Variants in HDAC7 observed in about 807,000 individuals in gnomAD.
The protein encoded by HDAC7 is histone deacetylase 7, also known as histone deacetylase 7A.
In HDAC7, 26 loss-of-function variants were observed where a neutral mutation model predicts 115.5. The observed-to-expected ratio is 0.23, with a 90% confidence interval of 0.16 to 0.31. HDAC7 has a LOEUF of 0.31. HDAC7 is among the 10% of genes least tolerant of loss of function. The pLI is 1.00. For synonymous variants in HDAC7, 564 were observed against 550.9 expected, an observed-to-expected ratio of 1.02 and a Z score of -0.33; for missense variants, 1,068 against 1,329.0, an observed-to-expected ratio of 0.80 and a Z score of 3.05.
At chr12:47,791,751 C>T (rs1943533889) in intron 14 of HDAC7, 45 bp from the exon 15 acceptor site, 7 of 1,605,784 alleles carry the variant, frequency 4.4e-6, no homozygotes, top group Non-Finnish European at 6.0e-6. Context: ...TCGCCCCTTC[C>T]CTCCCATCAC....
intron 2 of HDAC7, among the ~76,000 whole-genome samples, chr12:47,800,972 T>G (rs182211518): frequency 6.6e-6 from 1 of 152,360 alleles, no homozygotes; most frequent in Admixed American, 6.5e-5. Flanking sequence ...CCCTCCACCT[T>G]GGCCATCAGC....
intron 1 of HDAC7, chr12:47,817,979 G>A (rs980350568): frequency 6.6e-6 from 1 of 152,288 alleles, no homozygotes; most frequent in Non-Finnish European, 1.5e-5. Flanking sequence ...AAGCAAACTG[G>A]AGGGGGTGGA....
chr12:47,811,610 G>T (rs1486890809), intron 1 of HDAC7, among the ~76,000 whole-genome samples: 3 of 152,172 alleles, frequency 2.0e-5, no homozygotes, highest in African/African-American at 7.2e-5. Context: ...GTTTTTGCTG[G>T]TCTGTCCTGT....
Position 47,793,333 on chromosome 12 carries a change from C to CCCACCCA in HDAC7, c.1678+35_1678+36insTGGGTGG. 7.7e-7 allele frequency: 1 copy of CCCACCCA among 1,294,636 alleles called. No homozygotes were observed. The highest frequency in any genetic ancestry group is 1.1e-6 in the Non-Finnish European group (1 of 942,066). The allele number at this position is 1,294,636 out of a possible 1,614,324, so 80.2% of individuals were successfully genotyped here. On this transcript the variant is annotated intron_variant, in intron 13 of 25. Coordinates refer to ENST00000080059, the MANE Select transcript of HDAC7 (RefSeq NM_015401.5). This position sits in a 1 kb window ranked among gnomAD's most constrained non-coding sequence, Gnocchi z 4.5. Reference sequence around the variant, plus strand: ...CCCACATGGACTCGTGCAGCCGAGCCCCTCCCTCCACCCGCCACCCTCCTC... The same window carrying CCCACCCA: ...CCCACATGGACTCGTGCAGCCGAGCCCCACCCACCTCCCTCCACCCGCCACCCTCCTC...
intron 1 of HDAC7, among the ~76,000 whole-genome samples, chr12:47,814,386 A>G (rs1247134199): frequency 6.6e-6 from 1 of 152,242 alleles, no homozygotes. Flanking sequence ...CAGAGGCAGC[A>G]GGCTAGACCA....
Position 47,783,833 on chromosome 12 carries a change from C to T in HDAC7, c.*8G>A. ...GGGCATGGTGGGCGGGCAGATGGTT[C>T]CAGAGCCTTAGAGATTCATAGGTTC... On this transcript the variant is annotated 3_prime_UTR_variant, in exon 26 of 26. Transcript: ENST00000080059. 6.2e-7 allele frequency: 1 copy of T among 1,610,316 alleles called. No homozygotes were observed. The highest frequency in any genetic ancestry group is 1.1e-5 in the South Asian group (1 of 89,754).
chr12:47,796,992 C>G (rs1172814551), intron 7 of HDAC7, 25 bp downstream of exon 7: 2 of 1,518,478 alleles, frequency 1.3e-6, no homozygotes, highest in African/African-American at 2.8e-5. Flanking sequence ...AGGATGGCAA[C>G]CGCACTGGCT....
intron 17 of HDAC7, 41 bp downstream of exon 17, chr12:47,789,772 C>T: frequency 1.3e-6 from 2 of 1,514,354 alleles, no homozygotes; most frequent in South Asian, 2.2e-5. Context: ...CACTCTGCTT[C>T]CTCCTTTGTG....
At position 47,784,228 on chromosome 12, in the gene HDAC7, A is replaced by G; in HGVS notation, c.2792-11T>C. Reference sequence around the variant, plus strand: ...AGCCCCAGTATTTACCTGGGGTAAGATGCCAGGTCAGAAAGGGTTGGAGAA... The same window carrying G: ...AGCCCCAGTATTTACCTGGGGTAAGGTGCCAGGTCAGAAAGGGTTGGAGAA... On this transcript the variant is annotated splice_polypyrimidine_tract_variant and intron_variant, in intron 24 of 25. Coordinates refer to ENST00000080059, the MANE Select transcript of HDAC7 (RefSeq NM_015401.5). 2 of 1,606,848 alleles carry G rather than the reference A, an allele frequency of 1.2e-6. No homozygotes were observed. Among genetic ancestry groups the G allele is most frequent in the African/African-American group, 2.7e-5 (2 of 74,804 alleles).
At position 47,786,461 on chromosome 12, in the gene HDAC7, C is replaced by T. The variant is rs1943177359; in HGVS notation, c.2572+124G>A. On this transcript the variant is annotated intron_variant, in intron 22 of 25. Transcript: ENST00000080059. ...TCAGGACCAGCTGCCATACTCCAGT[C>T]CTCAGGCTGAAAGCCCTGGGCTGGC... The T allele has an allele frequency of 1.2e-5, 8 of 689,172 alleles. No individual in the cohort carries two copies. The East Asian group carries it at 2.1e-4, about 18-fold the overall frequency. 42.7% of individuals were successfully genotyped at this position (689,172 alleles called of 1,614,324 possible).
At chr12:47,817,999 A>T (rs7958910) in intron 1 of HDAC7, 49,889 of 152,180 alleles carry the variant, frequency 0.33, 8,528 homozygotes, top group South Asian at 0.39. Flanking sequence ...ATAATAGCAC[A>T]GTACCTTCAT....
chr12:47,798,523 T>TGGTGGGGCTG lies in HDAC7; in HGVS notation c.349+29_349+38dup, dbSNP rs1565568625. On this transcript the variant is annotated intron_variant, in intron 4 of 25. Transcript: ENST00000080059. This position sits in a 1 kb window ranked among gnomAD's most constrained non-coding sequence, Gnocchi z 4.3. ...ACACAGGCAGCCGCAGGCACCTGGC[T>TGGTGGGGCTG]GGTGGGGCTGGGCTGGGCTGGGGTG... The TGGTGGGGCTG allele has an allele frequency of 6.3e-7, 1 of 1,584,528 alleles. No individual in the cohort carries two copies. The highest frequency in any genetic ancestry group is 8.7e-7 in the Non-Finnish European group (1 of 1,155,466).
In HDAC7 at chr12:47,798,382, C is replaced by G. The variant is rs561642344; in HGVS notation, c.350-163G>C. Among the ~76,000 whole-genome samples the G allele has an allele frequency of 6.6e-6, 1 of 151,686 alleles. No homozygotes were observed. Among genetic ancestry groups the G allele is most frequent in the African/African-American group, 2.4e-5 (1 of 41,246 alleles). ...TACCCCTCCCTAGAGCCTCCAGACA[C>G]CACCCCCCACCCCCACATCCCCCAC... On this transcript the variant is annotated intron_variant, in intron 4 of 25. Coordinates refer to ENST00000080059, the MANE Select transcript of HDAC7 (RefSeq NM_015401.5). The surrounding 1 kb of genome is among the most constrained non-coding windows in gnomAD (Gnocchi z 4.3).
At position 47,791,326 on chromosome 12, in the gene HDAC7, G is replaced by A. The variant is rs1173329132; in HGVS notation, c.1934-18C>T. On this transcript the variant is annotated intron_variant, in intron 15 of 25. Transcript: ENST00000080059. ...CAGGAGCCCTGCGGGGAGAGGCCCA[G>A]CCCACGTCAGCGTGAATACTCTCAG... 3 of 1,564,950 alleles carry A rather than the reference G, an allele frequency of 1.9e-6. 1 individual carries two copies. The South Asian group carries it at 3.6e-5, about 19-fold the overall frequency.
intron 16 of HDAC7, 117 bp downstream of exon 16, chr12:47,791,142 C>T: frequency 1.9e-6 from 2 of 1,032,340 alleles, no homozygotes; most frequent in Non-Finnish European, 3.0e-6. Flanking sequence ...CCTGGCTCAC[C>T]CTGTCTGGCA....
chr12:47,785,224 G>T, intron 24 of HDAC7, 163 bp downstream of exon 24: 1 of 649,686 alleles, frequency 1.5e-6, no homozygotes, highest in East Asian at 2.7e-5. Context: ...CTCACTGGGG[G>T]GTGCTCACCA....
rs944417260 is a variant in HDAC7, at chr12:47,803,831, G to A, written c.20-1557C>T. Among the ~76,000 whole-genome samples the A allele has an allele frequency of 1.3e-5, 2 of 152,142 alleles. No individual in the cohort carries two copies. The highest frequency in any genetic ancestry group is 4.8e-5 in the African/African-American group (2 of 41,432). On this transcript the variant is annotated intron_variant, in intron 1 of 25. Coordinates refer to ENST00000080059, the MANE Select transcript of HDAC7 (RefSeq NM_015401.5). The surrounding 1 kb of genome is among the most constrained non-coding windows in gnomAD (Gnocchi z 4.0). ...CTCAGAGGCAAACTCCCCTCCCCAC[G>A]ACATGGTAACCCCCAATCCCAGGCC...
At chr12:47,799,923 G>T (rs1030473659) in intron 2 of HDAC7, among the ~76,000 whole-genome samples, 1 of 152,156 alleles carries the variant, frequency 6.6e-6, no homozygotes, top group Non-Finnish European at 1.5e-5. Context: ...CCCATGGGAG[G>T]GCACACAAGT....
At position 47,802,233 on chromosome 12, in the gene HDAC7, TG is replaced by T. The variant is rs1944201234; in HGVS notation, c.60del (p.Thr21LeufsTer53). ...QVSPGAHYCSPTGAGCPRPCA... is the reference protein window; with the variant it reads ...QVSPGAHYCSXTGAGCPRPCA... ...CGGGTTTGACTCTTACCTGCGCCAG[TG>T]GGGCTGCAGTAGTGGGCACCCGGGC... On this transcript the variant is annotated frameshift_variant, in exon 2 of 26. Coordinates refer to ENST00000080059, the MANE Select transcript of HDAC7 (RefSeq NM_015401.5). LOFTEE classifies it high-confidence loss of function. 15 of 1,613,624 alleles carry T rather than the reference TG, an allele frequency of 9.3e-6. No homozygotes were observed. Among genetic ancestry groups the T allele is most frequent in the Non-Finnish European group, 1.3e-5 (15 of 1,179,912 alleles).
Sources: allele counts gnomAD v4.1 joint callset (sites outside exome capture counted in the v4.1 genomes callset), GRCh38; gene constraint gnomAD v4.1.1; non-coding constraint Gnocchi (gnomAD v3.1); transcripts MANE v1.5; gene names NCBI Gene and HGNC (gene_info 2026-07-23, HGNC 2026-07-21).